Variants in SESTD1 observed in about 807,000 individuals in gnomAD.
The protein encoded by SESTD1 is SEC14 domain and spectrin repeat-containing protein 1.
In SESTD1, 43 loss-of-function variants were observed where a neutral mutation model predicts 101.7. The ratio of observed to expected loss-of-function variants is 0.42; its 90% CI spans 0.33 to 0.55. SESTD1 has a LOEUF of 0.55. Ranked by LOEUF, SESTD1 falls within the 20% of genes least tolerant of loss-of-function variation. SESTD1 has a pLI of 0.07. For missense variants in SESTD1, 647 were observed against 815.1 expected (o/e 0.79, Z 2.51); for synonymous variants, 283 against 286.8 (o/e 0.99, Z 0.13).
intron 1 of SESTD1, among the ~76,000 whole-genome samples, chr2:179,249,854 C>T (rs1304658882): frequency 6.8e-6 from 1 of 147,866 alleles, no homozygotes; most frequent in Admixed American, 6.8e-5. Flanking sequence ...ACTGCCTTTC[C>T]TACAAATGGT....
intron 10 of SESTD1, among the ~76,000 whole-genome samples, chr2:179,128,996 C>G (rs2154394244): frequency 6.6e-6 from 1 of 152,274 alleles, no homozygotes; most frequent in African/African-American, 2.4e-5. Context: ...GTGACGCATA[C>G]TTGGTGAAAT....
At chr2:179,225,776 G>A (rs1435651496) in intron 1 of SESTD1, among the ~76,000 whole-genome samples, 6 of 152,116 alleles carry the variant, frequency 3.9e-5, no homozygotes, top group African/African-American at 1.2e-4. Flanking sequence ...CTTCAATCTT[G>A]AGCCCTTTTA....
chr2:179,247,601 T>A (rs2047253097), intron 1 of SESTD1, among the ~76,000 whole-genome samples: 1 of 68 alleles, frequency 0.015, no homozygotes, highest in South Asian at 0.5. Context: ...ATTTGTTAAA[T>A]TTTTTTTTTT....
intron 9 of SESTD1, among the ~76,000 whole-genome samples, chr2:179,135,235 C>T (rs1182772463): frequency 1.3e-5 from 2 of 152,050 alleles, no homozygotes; most frequent in Non-Finnish European, 1.5e-5. Context: ...GAGCCACCGC[C>T]CCCCGGCCCA....
chr2:179,249,217 A>G (rs1236577988), intron 1 of SESTD1, among the ~76,000 whole-genome samples: 3 of 151,102 alleles, frequency 2.0e-5, no homozygotes, highest in Non-Finnish European at 4.4e-5. Context: ...CAGATTAAAA[A>G]AAAAAAAAAA....
At chr2:179,257,821 G>A (rs767471005) in intron 1 of SESTD1, among the ~76,000 whole-genome samples, 1 of 152,158 alleles carries the variant, frequency 6.6e-6, no homozygotes, top group Non-Finnish European at 1.5e-5. Flanking sequence ...GATACACAGA[G>A]AAGTACTCAG....
intron 17 of SESTD1, among the ~76,000 whole-genome samples, chr2:179,111,292 A>C (rs1054629361): frequency 6.6e-6 from 1 of 152,242 alleles, no homozygotes; most frequent in African/African-American, 2.4e-5. Flanking sequence ...ATTTCAAGGG[A>C]ATAAAATGCC....
At chr2:179,195,116 T>C (rs1304488260) in intron 1 of SESTD1, among the ~76,000 whole-genome samples, 1 of 152,170 alleles carries the variant, frequency 6.6e-6, no homozygotes, top group Non-Finnish European at 1.5e-5. Flanking sequence ...TCCAAGTAAG[T>C]GTTCTTGATG....
chr2:179,238,589 C>T (rs908623424), intron 1 of SESTD1, among the ~76,000 whole-genome samples: 4 of 152,050 alleles, frequency 2.6e-5, no homozygotes, highest in Non-Finnish European at 5.9e-5. Context: ...CTCAGTCATG[C>T]CAGTTTCTGT....
intron 13 of SESTD1, among the ~76,000 whole-genome samples, chr2:179,119,640 T>C (rs1293984499): frequency 6.6e-6 from 1 of 152,162 alleles, no homozygotes; most frequent in Non-Finnish European, 1.5e-5. Context: ...GTCTTAGGTA[T>C]AGCAGCGTGA....
intron 4 of SESTD1, among the ~76,000 whole-genome samples, chr2:179,173,694 A>T (rs1236077478): frequency 6.6e-6 from 1 of 152,170 alleles, no homozygotes; most frequent in Admixed American, 6.6e-5. Flanking sequence ...TGGGTTCAAT[A>T]CATTCTTTCC....
rs2044827513 is a variant in SESTD1 at position 179,124,524 on chromosome 2, T to C, written c.1007A>G (p.Gln336Arg). 6.2e-7 allele frequency: 1 copy of C among 1,613,948 alleles called. No individual in the cohort carries two copies. Among genetic ancestry groups the C allele is most frequent in the South Asian group, 1.1e-5 (1 of 91,060 alleles). ...WFAVYVELNQQIAALLNAGDE... is the reference protein window; with the variant it reads ...WFAVYVELNQRIAALLNAGDE... Reference sequence around the variant, plus strand: ...GCCAGCATTCAAGAGTGCTGCAATTTGCTGATTAAGTTCCACATACACTGC... The same window carrying C: ...GCCAGCATTCAAGAGTGCTGCAATTCGCTGATTAAGTTCCACATACACTGC... The change falls in exon 11 of 18, where the codon CAA becomes CGA. Residue 336 changes from glutamine to arginine, a missense_variant. By Grantham distance (43) the Gln-to-Arg change is conservative (BLOSUM62 1). Transcript: ENST00000428443.
intron 1 of SESTD1, among the ~76,000 whole-genome samples, chr2:179,210,512 C>A (rs2046637562): frequency 7.4e-6 from 1 of 135,050 alleles, no homozygotes; most frequent in African/African-American, 2.9e-5. Context: ...ACTAGGGATG[C>A]AGGGTTGGTT....
intron 5 of SESTD1, among the ~76,000 whole-genome samples, chr2:179,152,765 T>C (rs2045555190): frequency 6.6e-6 from 1 of 152,082 alleles, no homozygotes; most frequent in Non-Finnish European, 1.5e-5. Flanking sequence ...CAAATTGCTA[T>C]TGATAACAAT....
At chr2:179,257,911 G>A (rs2047423632) in intron 1 of SESTD1, among the ~76,000 whole-genome samples, 1 of 152,062 alleles carries the variant, frequency 6.6e-6, no homozygotes, top group Non-Finnish European at 1.5e-5. Flanking sequence ...CAAAATATAG[G>A]AGACACATAA....
At chr2:179,253,687 T>C (rs1217902965) in intron 1 of SESTD1, among the ~76,000 whole-genome samples, 1 of 152,168 alleles carries the variant, frequency 6.6e-6, no homozygotes, top group Non-Finnish European at 1.5e-5. Context: ...TATGCATATA[T>C]ATAAAATATT....
chr2:179,181,103 C>T (rs2046099779), intron 3 of SESTD1, among the ~76,000 whole-genome samples: 1 of 151,962 alleles, frequency 6.6e-6, no homozygotes, highest in South Asian at 2.1e-4. Flanking sequence ...ATCATTTACA[C>T]TGGAGGAACA....
At chr2:179,232,134 A>G (rs2046997380) in intron 1 of SESTD1, among the ~76,000 whole-genome samples, 1 of 152,112 alleles carries the variant, frequency 6.6e-6, no homozygotes, top group Non-Finnish European at 1.5e-5. Flanking sequence ...AAGCAACAGT[A>G]TATTTTATGA....
At chr2:179,134,800 A>C (rs978580748) in intron 9 of SESTD1, among the ~76,000 whole-genome samples, 6 of 152,178 alleles carry the variant, frequency 3.9e-5, no homozygotes, top group Non-Finnish European at 7.4e-5. Flanking sequence ...AATAACCTCT[A>C]CAAGGTATAC....
Sources: gnomAD v4.1 joint callset for allele counts (sites outside exome capture counted in the v4.1 genomes callset) on GRCh38, gnomAD v4.1.1 for gene constraint, MANE v1.5 for transcripts, NCBI Gene and HGNC (gene_info 2026-07-23, HGNC 2026-07-21) for gene names.